SPRYD3: variants seen among roughly 807,000 people sequenced by gnomAD.
SPRYD3 encodes the protein SPRY domain containing 3.
In SPRYD3, 17 loss-of-function variants were observed where a neutral mutation model predicts 50.1. The observed-to-expected ratio is 0.34, with a 90% CI of 0.23 to 0.51. The LOEUF (loss-of-function observed/expected upper bound fraction) is 0.51. Ranked by LOEUF, SPRYD3 falls within the 20% of genes least tolerant of loss-of-function variation. The pLI is 0.97. For missense variants in SPRYD3, 401 were observed against 591.2 expected, an observed-to-expected ratio of 0.68 and a Z score of 3.34; for synonymous variants, 198 against 215.5, an observed-to-expected ratio of 0.92 and a Z score of 0.71.
chr12:53,077,696 A>C (rs1944599599), intron 1 of SPRYD3, among the ~76,000 whole-genome samples: 1 of 152,238 alleles, frequency 6.6e-6, no homozygotes, highest in Non-Finnish European at 1.5e-5. Flanking sequence ...GGGCAGCCAC[A>C]GGTCCTTGGA....
rs1254763541 is a variant in SPRYD3 at position 53,066,392 on chromosome 12, C to T, written c.1116G>A (p.Gly372=). Reference sequence around the variant, plus strand: ...CTTCCTCTTCCTCCTCTTCCTCTTCCCCTTCCTGGTGCAGGTACATGACAT... The same window carrying T: ...CTTCCTCTTCCTCCTCTTCCTCTTCTCCTTCCTGGTGCAGGTACATGACAT... ...VRNVMYLHQE[G]EEEEEEEEEE... is the part of the protein sequence containing the mutation. The change falls in exon 10 of 11, where the codon GGG becomes GGA. Residue 372 remains glycine, a synonymous_variant. Transcript: ENST00000301463. 1 of 1,614,078 alleles carries T rather than the reference C, an allele frequency of 6.2e-7. No individual in the cohort carries two copies. The highest frequency in any genetic ancestry group is 8.5e-7 in the Non-Finnish European group (1 of 1,180,026).
Position 53,064,990 on chromosome 12 carries a change from T to G in SPRYD3, c.*842A>C, listed in dbSNP as rs1298444842. On this transcript the variant is annotated 3_prime_UTR_variant, in exon 11 of 11. Coordinates refer to ENST00000301463, the MANE Select transcript of SPRYD3 (RefSeq NM_032840.3). ...CGCTGCCCCTCTGGGCTTGCTCAGCTAAGGCTCTGGGGTCTTGCCCTCACG... is the reference window on the plus strand; with the variant it reads ...CGCTGCCCCTCTGGGCTTGCTCAGCGAAGGCTCTGGGGTCTTGCCCTCACG... 1 of 152,642 alleles carries G rather than the reference T, an allele frequency of 6.6e-6. No individual in the cohort carries two copies. Among genetic ancestry groups the G allele is most frequent in the African/African-American group, 2.4e-5 (1 of 41,462 alleles). The allele number at this position is 152,642 out of a possible 1,614,324, so 9.5% of individuals were successfully genotyped here.
At chr12:53,078,921 G>A (rs1282299565) in intron 1 of SPRYD3, among the ~76,000 whole-genome samples, 1 of 152,210 alleles carries the variant, frequency 6.6e-6, no homozygotes, top group South Asian at 2.1e-4. Context: ...ACGTGGCCCA[G>A]AAGAGTAGGC....
rs369509110 is a variant in SPRYD3, at chr12:53,078,189, GA to G, written c.24-929del. ...GCAAGACCCTGTCTCAAAAAAAAAA[GA>G]AAAAAAAATGCCATGATCCTGGGCC... On this transcript the variant is annotated intron_variant, in intron 1 of 10. Coordinates refer to ENST00000301463, the MANE Select transcript of SPRYD3 (RefSeq NM_032840.3). 755 of 377,658 alleles carry G rather than the reference GA, an allele frequency of 2.0e-3. 4 individuals are homozygous for G. Among genetic ancestry groups the G allele is most frequent in the African/African-American group, 0.014 (629 of 45,180 alleles). The allele number at this position is 377,658 out of a possible 1,614,324, so 23.4% of individuals were successfully genotyped here. A position where few individuals can be genotyped will look rare whatever the true frequency, so the allele number is the denominator to read the frequency against.
chr12:53,073,287 G>T lies in SPRYD3; in HGVS notation c.692C>A (p.Thr231Asn). Residue 231 changes from threonine (T) to asparagine (N), a missense_variant and splice_region_variant, in exon 6 of 11, where the codon ACT (threonine) becomes AAT (asparagine). Physicochemically the swap from Thr to Asn is moderately conservative, Grantham distance 65. Transcript: ENST00000301463. ...GRLHDVRVCG[T>N]LLEYLGKGKS... Reference sequence around the variant, plus strand: ...CCCACCCTCCCACCCGCTACTTACAGTCCCACAGACTCTGACATCATGTAG... The same window carrying T: ...CCCACCCTCCCACCCGCTACTTACATTCCCACAGACTCTGACATCATGTAG... 3 of 381,690 alleles carry T rather than the reference G, an allele frequency of 7.9e-6. No homozygotes were observed. Among genetic ancestry groups the T allele is most frequent in the Non-Finnish European group, 1.4e-5 (3 of 209,274 alleles). The allele number at this position is 381,690 out of a possible 1,614,324, so 23.6% of individuals were successfully genotyped here.
At position 53,077,120 on chromosome 12, in the gene SPRYD3, A is replaced by C; in HGVS notation, c.165T>G (p.Thr55=). The C allele has an allele frequency of 3.1e-6, 5 of 1,614,150 alleles. No individual in the cohort carries two copies. Among genetic ancestry groups the C allele is most frequent in the Non-Finnish European group, 2.5e-6 (3 of 1,180,000 alleles). ...RFKHILVDGD[T]LSYHGNSGEV... ...AAGCATTCTCCTGAACTCACCTTAA[A>C]GTATCTCCATCTACAAGGATATGTT... Residue 55 remains threonine, a synonymous_variant, in exon 2 of 11, where the codon ACT becomes ACG. Transcript: ENST00000301463.
intron 2 of SPRYD3, 75 bp from the exon 3 acceptor site, chr12:53,075,886 C>T: frequency 8.5e-7 from 1 of 1,179,498 alleles, no homozygotes; most frequent in Non-Finnish European, 1.3e-6. Context: ...GCTTCTCCCA[C>T]CCTTACCCTG....
chr12:53,068,109 G>T, intron 7 of SPRYD3, 46 bp downstream of exon 7: 2 of 1,611,514 alleles, frequency 1.2e-6, no homozygotes, highest in South Asian at 1.1e-5. Flanking sequence ...AACAGCCCCA[G>T]ACCTGAGCAG....
rs575025527 is a variant in SPRYD3, at chr12:53,065,616, A to G, written c.*216T>C. ...CATTCTTTGGGTCCATTCCTGTCCA[A>G]CCAGGGACTCAGGCCCAGGGACTGA... On this transcript the variant is annotated 3_prime_UTR_variant, in exon 11 of 11. Coordinates refer to ENST00000301463, the MANE Select transcript of SPRYD3 (RefSeq NM_032840.3). 3 of 547,952 alleles carry G rather than the reference A, an allele frequency of 5.5e-6. No individual in the cohort carries two copies. Among genetic ancestry groups the G allele is most frequent in the East Asian group, 2.9e-5 (1 of 34,760 alleles). 33.9% of individuals were successfully genotyped at this position (547,952 alleles called of 1,614,324 possible).
At chr12:53,079,194 A>C in intron 1 of SPRYD3, 117 bp downstream of exon 1, 1 of 1,088,642 alleles carries the variant, frequency 9.2e-7, no homozygotes. Flanking sequence ...AAGCCCAGTG[A>C]CCAGAGCGCA....
rs1430450556 is a variant in SPRYD3, at chr12:53,074,829, C to G, written c.372-45G>C. 6.2e-7 allele frequency: 1 copy of G among 1,607,840 alleles called. No individual in the cohort carries two copies. Among genetic ancestry groups the G allele is most frequent in the Admixed American group, 1.7e-5 (1 of 59,858 alleles). On this transcript the variant is annotated intron_variant, in intron 4 of 10. Transcript: ENST00000301463. This position sits in a 1 kb window ranked among gnomAD's most constrained non-coding sequence, Gnocchi z 4.6. ...GACACAGGACCCGAGCCTGGCCTCC[C>G]AACTTCTCCCCAGCACTGACAGCAG...
chr12:53,070,423 C>T (rs1944541204), intron 6 of SPRYD3, among the ~76,000 whole-genome samples: 1 of 152,142 alleles, frequency 6.6e-6, no homozygotes, highest in South Asian at 2.1e-4. Flanking sequence ...TGTTAGGAAC[C>T]TAGAGGAGGA....
intron 2 of SPRYD3, 123 bp downstream of exon 2, chr12:53,076,992 C>A: frequency 1.1e-6 from 1 of 896,928 alleles, no homozygotes; most frequent in Non-Finnish European, 1.7e-6. Context: ...TCAAGAGCAT[C>A]GCCCTTCCCT....
Position 53,074,700 on chromosome 12 carries a change from C to G in SPRYD3, c.456G>C (p.Val152=). The G allele has an allele frequency of 6.2e-7, 1 of 1,614,294 alleles. No homozygotes were observed. Among genetic ancestry groups the G allele is most frequent in the Non-Finnish European group, 8.5e-7 (1 of 1,180,060 alleles). ...TCTGGGCGGTCTGCACATCAAAGGA[C>G]ACAGGCTCAATGCCACAGCCAATCC... ...GDRIGCGIEP[V]SFDVQTAQIF... is the part of the protein sequence containing the mutation. The change falls in exon 5 of 11, where the codon GTG becomes GTC. Residue 152 remains valine, a synonymous_variant. Coordinates refer to ENST00000301463, the MANE Select transcript of SPRYD3 (RefSeq NM_032840.3). This position sits in a 1 kb window ranked among gnomAD's most constrained non-coding sequence, Gnocchi z 4.6.
chr12:53,072,478 G>A (rs897233321), intron 6 of SPRYD3, among the ~76,000 whole-genome samples: 1 of 152,220 alleles, frequency 6.6e-6, no homozygotes, highest in Non-Finnish European at 1.5e-5. Context: ...AAGGGGGTAG[G>A]AGAGGGACAA....
chr12:53,071,360 T>C (rs192103558), intron 6 of SPRYD3, among the ~76,000 whole-genome samples: 30 of 152,290 alleles, frequency 2.0e-4, no homozygotes, highest in African/African-American at 7.0e-4. Context: ...ATCCCCCAGC[T>C]GTTACCTACC....
In SPRYD3 at chr12:53,074,873, G is replaced by A; in HGVS notation, c.372-89C>T. On this transcript the variant is annotated intron_variant, in intron 4 of 10. Transcript: ENST00000301463. This position sits in a 1 kb window ranked among gnomAD's most constrained non-coding sequence, Gnocchi z 4.6. ...ACAGCAGAGGCCTCATCCTCATCTTGCTGCTCCTGGTCATTCTGTGATGGT... is the reference window on the plus strand; with the variant it reads ...ACAGCAGAGGCCTCATCCTCATCTTACTGCTCCTGGTCATTCTGTGATGGT... The A allele has an allele frequency of 6.6e-7, 1 of 1,514,370 alleles. No homozygotes were observed. Among genetic ancestry groups the A allele is most frequent in the South Asian group, 1.2e-5 (1 of 84,532 alleles). The allele number at this position is 1,514,370 out of a possible 1,614,324, so 93.8% of individuals were successfully genotyped here.
At chr12:53,068,064 C>T (rs1225467436) in intron 7 of SPRYD3, 91 bp downstream of exon 7, 1 of 1,485,202 alleles carries the variant, frequency 6.7e-7, no homozygotes. Flanking sequence ...CCTGGGCTCC[C>T]CTGGTTTCTC....
intron 6 of SPRYD3, 30 bp downstream of exon 6, chr12:53,073,256 G>GCCCCCGGGGGGGGGGGGGGCCC: frequency 1.4e-5 from 6 of 424,132 alleles, no homozygotes; most frequent in African/African-American, 2.2e-5. Context: ...CTCCGACCCA[G>GCCCCCGGGGGGGGGGGGGGCCC]CCCCTCCCAC....
Sources: gnomAD v4.1 joint callset for allele counts (sites outside exome capture counted in the v4.1 genomes callset) on GRCh38, gnomAD v4.1.1 for gene constraint, Gnocchi (gnomAD v3.1) non-coding constraint, MANE v1.5 for transcripts, NCBI Gene and HGNC (gene_info 2026-07-23, HGNC 2026-07-21) for gene names.